The following CHD5 variants were observed in gnomAD, a reference collection of about 807,000 sequenced individuals.
CHD5 encodes ATP-dependent chromatin remodeler CHD5.
In CHD5, 69 loss-of-function variants were observed where a neutral mutation model predicts 230.3. That is an observed-to-expected ratio of 0.30 (90% confidence interval 0.25 to 0.37). The LOEUF (loss-of-function observed/expected upper bound fraction) is 0.37. Among genes scored for constraint, CHD5 ranks in the 10% least tolerant of loss-of-function variants. The pLI, the probability that CHD5 is intolerant of heterozygous loss-of-function variation, is 1.00. For synonymous variants in CHD5, 1,064 were observed against 1,065.9 expected (o/e 1.00, Z 0.03); for missense variants, 1,827 against 2,622.8 (o/e 0.70, Z 6.63).
chr1:6,118,980 G>C (rs1472252496), intron 33 of CHD5, among the ~76,000 whole-genome samples: 1 of 151,244 alleles, frequency 6.6e-6, no homozygotes, highest in African/African-American at 2.4e-5. Flanking sequence ...TTACAGGTGT[G>C]AGCTACCATG....
At chr1:6,106,592 C>T (rs200472990) in intron 39 of CHD5, 24 bp downstream of exon 39, 13 of 1,553,784 alleles carry the variant, frequency 8.4e-6, no homozygotes, top group African/African-American at 4.1e-5. Flanking sequence ...GGGCTCGGGC[C>T]GGGGCACACA....
rs1666475533 is a variant in CHD5, at chr1:6,121,794, C to T, written c.4700-221G>A. Among the ~76,000 whole-genome samples, 1 of 152,160 alleles carries T rather than the reference C, an allele frequency of 6.6e-6. No homozygotes were observed. The highest frequency in any genetic ancestry group is 1.5e-5 in the Non-Finnish European group (1 of 68,032). On this transcript the variant is annotated intron_variant, in intron 31 of 41. Transcript: ENST00000262450. This position sits in a 1 kb window ranked among gnomAD's most constrained non-coding sequence, Gnocchi z 4.5. ...TTGGAGGACCTTGAACCCAGTAAGACCAAAGTGAGGGGCTGTCAGGACGGG... is the reference window on the plus strand; with the variant it reads ...TTGGAGGACCTTGAACCCAGTAAGATCAAAGTGAGGGGCTGTCAGGACGGG...
At chr1:6,143,724 G>A in intron 13 of CHD5, 99 bp downstream of exon 13, 1 of 1,115,934 alleles carries the variant, frequency 9.0e-7, no homozygotes, top group Admixed American at 1.8e-5. Flanking sequence ...AGGGCCCAAG[G>A]AAACATCCTT....
rs749468766 is a variant in CHD5 at position 6,128,473 on chromosome 1, T to A, written c.3730+26A>T. 3 of 1,564,820 alleles carry A rather than the reference T, an allele frequency of 1.9e-6. No homozygotes were observed. Among genetic ancestry groups the A allele is most frequent in the Non-Finnish European group, 2.6e-6 (3 of 1,136,150 alleles). ...GCAGCCACCTGGTCGGAGGAGGAGC[T>A]GAGGCTGGGCTGGGTTGGCCCCTAC... On this transcript the variant is annotated intron_variant, in intron 24 of 41. Transcript: ENST00000262450. This position sits in a 1 kb window ranked among gnomAD's most constrained non-coding sequence, Gnocchi z 7.8.
chr1:6,125,107 C>A lies in CHD5; in HGVS notation c.4387G>T (p.Glu1463Ter). The change falls in exon 29 of 42, where the codon GAG (glutamate) becomes TAG (stop). Residue 1463 changes from glutamate (E) to a stop codon, truncating the protein, a stop_gained. Transcript: ENST00000262450. LOFTEE classifies it high-confidence loss of function. The surrounding 1 kb of genome is among the most constrained non-coding windows in gnomAD (Gnocchi z 6.7). ...ACCACCTAGCCCCTTTACCTAAACT[C>A]CTTCTCGCTCTTCCCTCGAAGGTCC... ...VRDLRGKSEK[E>*]FRAYVSLFMR... is the part of the protein sequence containing the mutation. 6.3e-7 allele frequency: 1 copy of A among 1,589,806 alleles called. No individual in the cohort carries two copies. Among genetic ancestry groups the A allele is most frequent in the South Asian group, 1.1e-5 (1 of 87,322 alleles).
chr1:6,131,506 C>G lies in CHD5; in HGVS notation c.3262+125G>C, dbSNP rs1571149831. On this transcript the variant is annotated intron_variant, in intron 21 of 41. Coordinates refer to ENST00000262450, the MANE Select transcript of CHD5 (RefSeq NM_015557.3). The surrounding 1 kb of genome is among the most constrained non-coding windows in gnomAD (Gnocchi z 5.0). ...AACATTGGAAACTCGGACTGGCCTG[C>G]TGTCTTTAGCTGTTTGTGAGGCTGC... The G allele has an allele frequency of 1.6e-6, 1 of 607,724 alleles. No individual in the cohort carries two copies. Among genetic ancestry groups the G allele is most frequent in the East Asian group, 2.7e-5 (1 of 37,452 alleles). 37.6% of individuals were successfully genotyped at this position (607,724 alleles called of 1,614,324 possible). A position where few individuals can be genotyped will look rare whatever the true frequency, so the allele number is the denominator to read the frequency against.
Position 6,146,430 on chromosome 1 carries a change from A to G in CHD5, c.1591-7T>C. The G allele has an allele frequency of 6.2e-7, 1 of 1,611,388 alleles. No individual in the cohort carries two copies. The highest frequency in any genetic ancestry group is 2.2e-5 in the East Asian group (1 of 44,850). On this transcript the variant is annotated splice_region_variant and splice_polypyrimidine_tract_variant and intron_variant, in intron 10 of 41. Coordinates refer to ENST00000262450, the MANE Select transcript of CHD5 (RefSeq NM_015557.3). This position sits in a 1 kb window ranked among gnomAD's most constrained non-coding sequence, Gnocchi z 5.1. ...CCGTGTGGTACAGCTCCAGCTGCTC[A>G]TGGAGCGGCACAAAGTCACAGAAGG... is the stretch of plus-strand genomic sequence containing the variant.
Position 6,129,377 on chromosome 1 carries a change from A to G in CHD5, c.3388-308T>C, listed in dbSNP as rs1666616163. ...CGGCCAGTGTGCTGGGTGTAACTGA[A>G]GCCACACAGAGCTTCGTGGGGGCCA... On this transcript the variant is annotated intron_variant, in intron 22 of 41. Transcript: ENST00000262450. This position sits in a 1 kb window ranked among gnomAD's most constrained non-coding sequence, Gnocchi z 6.8. Among the ~76,000 whole-genome samples the G allele has an allele frequency of 6.6e-6, 1 of 152,184 alleles. No individual in the cohort carries two copies. Among genetic ancestry groups the G allele is most frequent in the African/African-American group, 2.4e-5 (1 of 41,430 alleles).
In CHD5 at chr1:6,142,841, C is replaced by G. The variant is rs890150191; in HGVS notation, c.2044-236G>C. Among the ~76,000 whole-genome samples the G allele has an allele frequency of 2.0e-5, 3 of 152,196 alleles. No homozygotes were observed. The highest frequency in any genetic ancestry group is 7.2e-5 in the African/African-American group (3 of 41,456). On this transcript the variant is annotated intron_variant, in intron 13 of 41. Coordinates refer to ENST00000262450, the MANE Select transcript of CHD5 (RefSeq NM_015557.3). This position sits in a 1 kb window ranked among gnomAD's most constrained non-coding sequence, Gnocchi z 5.2. The stretch of plus-strand genomic sequence containing the variant: ...CCTCCCATGGCAGCCCTGTACTTCT[C>G]CTATCAGGGAAATTTCCCGACTGTT...
intron 13 of CHD5, 28 bp downstream of exon 13, chr1:6,143,795 C>A: frequency 6.9e-7 from 1 of 1,451,152 alleles, no homozygotes; most frequent in Non-Finnish European, 9.6e-7. Flanking sequence ...GCAACCCCAC[C>A]CACTGCTGCC....
intron 2 of CHD5, among the ~76,000 whole-genome samples, chr1:6,166,494 C>T (rs1667257260): frequency 6.6e-6 from 1 of 152,006 alleles, no homozygotes; most frequent in Admixed American, 6.5e-5. Flanking sequence ...GCGGTACACA[C>T]CTGGGGCAAC....
At chr1:6,141,586 G>A (rs1666828562) in intron 15 of CHD5, among the ~76,000 whole-genome samples, 1 of 152,116 alleles carries the variant, frequency 6.6e-6, no homozygotes, top group African/African-American at 2.4e-5. Flanking sequence ...CTGCACTCCA[G>A]CCTGGGCGAT....
Position 6,142,609 on chromosome 1 carries a change from C to G in CHD5, c.2044-4G>C. On this transcript the variant is annotated splice_region_variant and splice_polypyrimidine_tract_variant and intron_variant, in intron 13 of 41. Coordinates refer to ENST00000262450, the MANE Select transcript of CHD5 (RefSeq NM_015557.3). This position sits in a 1 kb window ranked among gnomAD's most constrained non-coding sequence, Gnocchi z 5.2. ...GCTTGTCGAACTTGACCGTGGGCTG[C>G]AGGGGAGGCAGCGGTTCAGACACGC... The G allele has an allele frequency of 6.2e-7, 1 of 1,607,622 alleles. No individual in the cohort carries two copies. The highest frequency in any genetic ancestry group is 8.5e-7 in the Non-Finnish European group (1 of 1,176,834).
intron 2 of CHD5, among the ~76,000 whole-genome samples, chr1:6,164,202 C>T (rs1667219161): frequency 6.6e-6 from 1 of 152,226 alleles, no homozygotes; most frequent in Non-Finnish European, 1.5e-5. Flanking sequence ...CGCACACGCA[C>T]CGCATCTCCT....
At chr1:6,163,398 G>A (rs1295273798) in intron 2 of CHD5, among the ~76,000 whole-genome samples, 1 of 152,204 alleles carries the variant, frequency 6.6e-6, no homozygotes, top group African/African-American at 2.4e-5. Context: ...GCACAGCTGG[G>A]CCTCCCACCT....
chr1:6,128,123 T>A lies in CHD5; in HGVS notation c.3826A>T (p.Thr1276Ser), dbSNP rs200671755. Residue 1276 changes from threonine (T) to serine (S), a missense_variant, in exon 25 of 42, where the codon ACG becomes TCG. Physicochemically the swap from Thr to Ser is moderately conservative, Grantham distance 58. Transcript: ENST00000262450. The surrounding 1 kb of genome is among the most constrained non-coding windows in gnomAD (Gnocchi z 7.8). ...LDRNQDATDDTELQNMNEYLS... is the reference protein window; with the variant it reads ...LDRNQDATDDSELQNMNEYLS... Reference sequence around the variant, plus strand: ...TACTCGTTCATGTTCTGTAGCTCCGTGTCATCTGTAGCGTCCTGGTTCCGG... The same window carrying A: ...TACTCGTTCATGTTCTGTAGCTCCGAGTCATCTGTAGCGTCCTGGTTCCGG... 6 of 1,614,124 alleles carry A rather than the reference T, an allele frequency of 3.7e-6. No homozygotes were observed. The African/African-American group carries it at 4.0e-5, about 11-fold the overall frequency.
Position 6,150,000 on chromosome 1 carries a change from A to AATGG in CHD5, c.995-592_995-589dup, listed in dbSNP as rs58706054. Among the ~76,000 whole-genome samples, 823 of 144,736 alleles carry AATGG rather than the reference A, an allele frequency of 5.7e-3. 1 individual carries two copies. The highest frequency in any genetic ancestry group is 0.013 in the African/African-American group (522 of 38,696). 95.0% of individuals were successfully genotyped at this position (144,736 alleles called of 152,430 possible). A position where few individuals can be genotyped will look rare whatever the true frequency, so the allele number is the denominator to read the frequency against. On this transcript the variant is annotated intron_variant, in intron 7 of 41. Transcript: ENST00000262450. ...TGAATGGATGATGGATGGATGGACAAATGGATGGATGGATGGATGGATGGA... is the reference window on the plus strand; with the variant it reads ...TGAATGGATGATGGATGGATGGACAAATGGATGGATGGATGGATGGATGGATGGA...
Position 6,128,312 on chromosome 1 carries a change from C to T in CHD5, c.3731-94G>A. The stretch of plus-strand genomic sequence containing the variant: ...GACTCCCAACAATGGCCCTTCCCAT[C>T]CCCAGCAGGGGCTGCAGCTGAGAGG... On this transcript the variant is annotated intron_variant, in intron 24 of 41. Transcript: ENST00000262450. This position sits in a 1 kb window ranked among gnomAD's most constrained non-coding sequence, Gnocchi z 7.8. 5.9e-6 allele frequency: 8 copies of T among 1,347,874 alleles called. No homozygotes were observed. Among genetic ancestry groups the T allele is most frequent in the Non-Finnish European group, 8.3e-6 (8 of 966,060 alleles). 83.5% of individuals were successfully genotyped at this position (1,347,874 alleles called of 1,614,324 possible).
chr1:6,125,293 T>C lies in CHD5; in HGVS notation c.4261-60A>G, dbSNP rs1353493518. On this transcript the variant is annotated intron_variant, in intron 28 of 41. Coordinates refer to ENST00000262450, the MANE Select transcript of CHD5 (RefSeq NM_015557.3). The surrounding 1 kb of genome is among the most constrained non-coding windows in gnomAD (Gnocchi z 6.7). ...ACAGAGAGGGGTGGGGGTGGAGGAT[T>C]CTGGGATGGGGGAAGAAAAGCATGG... is the stretch of plus-strand genomic sequence containing the variant. 1 of 1,420,996 alleles carries C rather than the reference T, an allele frequency of 7.0e-7. No individual in the cohort carries two copies. Among genetic ancestry groups the C allele is most frequent in the Non-Finnish European group, 9.5e-7 (1 of 1,054,920 alleles). The allele number at this position is 1,420,996 out of a possible 1,614,324, so 88.0% of individuals were successfully genotyped here. A position where few individuals can be genotyped will look rare whatever the true frequency, so the allele number is the denominator to read the frequency against.
Sources: allele counts gnomAD v4.1 joint callset (sites outside exome capture counted in the v4.1 genomes callset), GRCh38; gene constraint gnomAD v4.1.1; non-coding constraint Gnocchi (gnomAD v3.1); transcripts MANE v1.5; gene names NCBI Gene and HGNC (gene_info 2026-07-23, HGNC 2026-07-21).